The following TNFSF4 variants were observed in gnomAD, a reference collection of about 807,000 sequenced individuals.
The protein encoded by TNFSF4 is TNF superfamily member 4.
Under a neutral mutation model 7.3 loss-of-function variants are expected in TNFSF4, and 4 were observed. The ratio of observed to expected loss-of-function variants is 0.55; its 90% CI spans 0.27 to 1.25. The LOEUF is 1.25. Ranked by LOEUF, TNFSF4 falls within the 50% of genes most tolerant of loss-of-function variation. TNFSF4 has a pLI of 0.12. For missense variants in TNFSF4, 181 were observed against 208.8 expected (o/e 0.87, Z 0.82); for synonymous variants, 76 against 83.7 (o/e 0.91, Z 0.50).
chr1:173,327,507 T>C, the TNFSF4 span, among the ~76,000 whole-genome samples: 7 of 151,060 alleles, frequency 4.6e-5, no homozygotes, highest in East Asian at 1.4e-3. Flanking sequence ...ACAAATGGGA[T>C]CTAATTAAAC....
At chr1:173,335,550 C>A in the TNFSF4 span, among the ~76,000 whole-genome samples, 1 of 152,140 alleles carries the variant, frequency 6.6e-6, no homozygotes, top group African/African-American at 2.4e-5. Context: ...TCAGGCCCAC[C>A]TAAGGCACCA....
At chr1:173,244,282 A>G in the TNFSF4 span, among the ~76,000 whole-genome samples, 308 of 152,300 alleles carry the variant, frequency 2.0e-3, 1 homozygote, top group Non-Finnish European at 3.4e-3. Context: ...TCAGCTAGAC[A>G]GTGCAACAGT....
chr1:173,441,724 T>C, the TNFSF4 span, among the ~76,000 whole-genome samples: 1 of 152,236 alleles, frequency 6.6e-6, no homozygotes, highest in Non-Finnish European at 1.5e-5. Flanking sequence ...TGGTTTTCAC[T>C]CTAAAAGGGA....
At chr1:173,199,017 C>A (rs1649831407) in intron 1 of TNFSF4, among the ~76,000 whole-genome samples, 1 of 152,200 alleles carries the variant, frequency 6.6e-6, no homozygotes, top group Non-Finnish European at 1.5e-5. Flanking sequence ...ACTTTATAAT[C>A]CCAATCAAGA....
the TNFSF4 span, among the ~76,000 whole-genome samples, chr1:173,368,795 C>A: frequency 1.3e-5 from 2 of 152,164 alleles, no homozygotes; most frequent in Non-Finnish European, 2.9e-5. Flanking sequence ...TATCCTGACC[C>A]TTGCCTCCTA....
chr1:173,429,895 T>C, the TNFSF4 span, among the ~76,000 whole-genome samples: 2 of 152,222 alleles, frequency 1.3e-5, no homozygotes, highest in African/African-American at 4.8e-5. Context: ...TAAGAACTTT[T>C]AGGACGTGCT....
the TNFSF4 span, among the ~76,000 whole-genome samples, chr1:173,385,989 T>C: frequency 6.6e-6 from 1 of 152,068 alleles, no homozygotes; most frequent in South Asian, 2.1e-4. Flanking sequence ...GATAAGGATA[T>C]TAGTATGGGT....
the TNFSF4 span, among the ~76,000 whole-genome samples, chr1:173,403,909 A>G: frequency 3.0e-3 from 459 of 152,308 alleles, 1 homozygote; most frequent in African/African-American, 1.0e-2. Context: ...CTCAAAAAAA[A>G]AAAAAAGAGA....
chr1:173,236,932 C>T, the TNFSF4 span, among the ~76,000 whole-genome samples: 1 of 152,106 alleles, frequency 6.6e-6, no homozygotes, highest in African/African-American at 2.4e-5. Flanking sequence ...TGTGTCCCCC[C>T]ACCAAAATCT....
chr1:173,244,559 G>A, the TNFSF4 span, among the ~76,000 whole-genome samples: 51 of 147,654 alleles, frequency 3.5e-4, no homozygotes, highest in Non-Finnish European at 1.5e-4. Flanking sequence ...GGAGAATGGC[G>A]TGAACCCGGG....
rs1355048339 is a variant in TNFSF4, at chr1:173,185,991, A to G, written c.*525T>C. The G allele has an allele frequency of 6.6e-6, 1 of 152,448 alleles. No individual in the cohort carries two copies. Among genetic ancestry groups the G allele is most frequent in the East Asian group, 1.9e-4 (1 of 5,192 alleles). 9.4% of individuals were successfully genotyped at this position (152,448 alleles called of 1,614,324 possible). On this transcript the variant is annotated 3_prime_UTR_variant, in exon 3 of 3. Transcript: ENST00000281834. ...AAATGAGAAAGTTTAAATTTAGGCA[A>G]TATGCAAACTGCAATCAATTTAACC...
the TNFSF4 span, among the ~76,000 whole-genome samples, chr1:173,230,466 A>G: frequency 2.0e-5 from 3 of 152,246 alleles, no homozygotes; most frequent in Non-Finnish European, 2.9e-5. Context: ...AAATGCTCAC[A>G]AGAGAAAGCA....
chr1:173,351,865 G>A, the TNFSF4 span: 2 of 593,702 alleles, frequency 3.4e-6, no homozygotes, highest in South Asian at 1.8e-5. Context: ...GTCCATGTAG[G>A]CATTCACCCC....
At chr1:173,251,268 C>T in the TNFSF4 span, among the ~76,000 whole-genome samples, 1 of 152,218 alleles carries the variant, frequency 6.6e-6, no homozygotes, top group Non-Finnish European at 1.5e-5. Context: ...TACTTCACAC[C>T]ATTTAACTGC....
the TNFSF4 span, among the ~76,000 whole-genome samples, chr1:173,215,582 A>G: frequency 6.6e-6 from 1 of 152,244 alleles, no homozygotes; most frequent in South Asian, 2.1e-4. Context: ...GTCTAGACAG[A>G]GTAGGCCTAT....
chr1:173,250,525 T>C, the TNFSF4 span, among the ~76,000 whole-genome samples: 6 of 151,260 alleles, frequency 4.0e-5, no homozygotes, highest in African/African-American at 1.5e-4. Flanking sequence ...AGTGGCGCCA[T>C]CTTGGCTCAC....
At chr1:173,257,773 G>C in the TNFSF4 span, among the ~76,000 whole-genome samples, 1 of 152,160 alleles carries the variant, frequency 6.6e-6, no homozygotes, top group Admixed American at 6.5e-5. Context: ...CTGCCAACTA[G>C]AGAGGCTCAC....
At chr1:173,298,590 C>T in the TNFSF4 span, among the ~76,000 whole-genome samples, 1 of 151,894 alleles carries the variant, frequency 6.6e-6, no homozygotes, top group East Asian at 1.9e-4. Context: ...CTGCACTACT[C>T]TCAAATTTCA....
chr1:173,205,612 T>C, intron 1 of TNFSF4: 5 of 1,130,526 alleles, frequency 4.4e-6, no homozygotes, highest in Non-Finnish European at 5.4e-6. Flanking sequence ...GAAAAAGCAC[T>C]CTCAGGGCTC....
Sources: allele counts gnomAD v4.1 joint callset (sites outside exome capture counted in the v4.1 genomes callset), GRCh38; gene constraint gnomAD v4.1.1; transcripts MANE v1.5; gene names NCBI Gene and HGNC (gene_info 2026-07-23, HGNC 2026-07-21).